AGMO: variants seen among roughly 807,000 people sequenced by gnomAD.
AGMO encodes glyceryl-ether monooxygenase.
A neutral mutation model predicts 60.2 loss-of-function variants in AGMO; 75 were observed. The ratio of observed to expected loss-of-function variants is 1.25; its 90% CI spans 1.03 to 1.51. The LOEUF is 1.51. Among genes scored for constraint, AGMO ranks in the 40% most tolerant of loss-of-function variants. The pLI is 0.00. For synonymous variants in AGMO, 261 were observed against 177.1 expected, an observed-to-expected ratio of 1.47 and a Z score of -3.76; for missense variants, 763 against 525.5, an observed-to-expected ratio of 1.45 and a Z score of -4.42.
At chr7:15,416,027 C>CTTT (rs759040945) in intron 5 of AGMO, among the ~76,000 whole-genome samples, 9 of 130,884 alleles carry the variant, frequency 6.9e-5, no homozygotes, top group African/African-American at 1.4e-4. Context: ...TTCTTTTTTT[C>CTTT]TTTTTTTTTT....
rs962406508 is a variant in AGMO, at chr7:15,288,859, A to C, written c.1263+76655T>G. ...TTTAAAAAAATAAAAAATAAAAAAAAAAAAAATATATATACACTCTTATCT... is the reference window on the plus strand; with the variant it reads ...TTTAAAAAAATAAAAAATAAAAAAACAAAAAATATATATACACTCTTATCT... On this transcript the variant is annotated intron_variant, in intron 12 of 12. Transcript: ENST00000342526. Among the ~76,000 whole-genome samples, 3 of 147,254 alleles carry C rather than the reference A, an allele frequency of 2.0e-5. No homozygotes were observed. In the South Asian group the frequency reaches 6.2e-4, roughly 31 times the overall value.
chr7:15,459,601 G>GTGTGTGTGTA (rs2128508212), intron 3 of AGMO, among the ~76,000 whole-genome samples: 1 of 150,198 alleles, frequency 6.7e-6, no homozygotes, highest in African/African-American at 2.4e-5. Context: ...ATGTGCGTTT[G>GTGTGTGTGTA]TGTGTGTGTG....
At chr7:15,465,011 G>A (rs1272135764) in intron 3 of AGMO, among the ~76,000 whole-genome samples, 2 of 152,136 alleles carry the variant, frequency 1.3e-5, no homozygotes, top group East Asian at 1.9e-4. Flanking sequence ...ATGTTCCCAC[G>A]TGTCATTTTC....
At chr7:15,533,813 C>T (rs548349599) in intron 3 of AGMO, among the ~76,000 whole-genome samples, 2 of 152,200 alleles carry the variant, frequency 1.3e-5, no homozygotes, top group African/African-American at 4.8e-5. Flanking sequence ...GTTTGTTTAA[C>T]TCACAGTATA....
At chr7:15,244,649 G>C (rs1782688338) in intron 12 of AGMO, among the ~76,000 whole-genome samples, 1 of 151,532 alleles carries the variant, frequency 6.6e-6, no homozygotes, top group Non-Finnish European at 1.5e-5. Flanking sequence ...TTGTTTGTTT[G>C]TTTGTTTTGT....
the AGMO span, among the ~76,000 whole-genome samples, chr7:15,163,581 T>A: frequency 6.6e-6 from 1 of 152,152 alleles, no homozygotes. Flanking sequence ...AAATGACCTA[T>A]GGTTTTTTAT....
chr7:15,166,125 A>G, the AGMO span, among the ~76,000 whole-genome samples: 1 of 152,190 alleles, frequency 6.6e-6, no homozygotes, highest in African/African-American at 2.4e-5. Flanking sequence ...CATAATAAAT[A>G]AGCCTATTAT....
intron 5 of AGMO, among the ~76,000 whole-genome samples, chr7:15,397,980 G>C (rs1220143385): frequency 1.3e-5 from 2 of 152,204 alleles, no homozygotes; most frequent in Non-Finnish European, 2.9e-5. Flanking sequence ...GAACAAGAAA[G>C]TGGGGGATCC....
At chr7:15,383,372 G>A (rs901807898) in intron 10 of AGMO, among the ~76,000 whole-genome samples, 7 of 151,156 alleles carry the variant, frequency 4.6e-5, no homozygotes, top group Non-Finnish European at 7.4e-5. Flanking sequence ...TTTCAGTTAC[G>A]TTAGTTAATA....
At chr7:15,301,456 G>A (rs1189782805) in intron 12 of AGMO, among the ~76,000 whole-genome samples, 2 of 151,564 alleles carry the variant, frequency 1.3e-5, no homozygotes, top group African/African-American at 4.8e-5. Flanking sequence ...AAAAAAGAAA[G>A]CAAATGCTGA....
intron 10 of AGMO, among the ~76,000 whole-genome samples, chr7:15,367,994 T>C (rs1435905285): frequency 6.6e-6 from 1 of 152,062 alleles, no homozygotes; most frequent in African/African-American, 2.4e-5. Context: ...CATACCTTCT[T>C]AAAAACCAGC....
chr7:15,390,774 G>T (rs746134429), intron 7 of AGMO, 24 bp from the exon 8 acceptor site: 3 of 1,595,268 alleles, frequency 1.9e-6, no homozygotes, highest in South Asian at 2.2e-5. Context: ...ATAAAGATAT[G>T]AGATTTGGCT....
intron 5 of AGMO, among the ~76,000 whole-genome samples, chr7:15,406,176 G>A (rs560893136): frequency 4.6e-5 from 7 of 151,298 alleles, no homozygotes; most frequent in Middle Eastern, 3.4e-3. Flanking sequence ...AATTGTTAGC[G>A]ACAAGGGTGC....
chr7:15,458,273 C>T (rs576122600), intron 3 of AGMO, among the ~76,000 whole-genome samples: 5 of 152,184 alleles, frequency 3.3e-5, no homozygotes, highest in Non-Finnish European at 5.9e-5. Context: ...TAGCAAAAAT[C>T]GGCATTAATA....
chr7:15,231,476 T>C (rs1168797918), intron 12 of AGMO, among the ~76,000 whole-genome samples: 1 of 152,224 alleles, frequency 6.6e-6, no homozygotes, highest in Admixed American at 6.5e-5. Context: ...TTCCCTTTTG[T>C]ATTTAACACA....
intron 12 of AGMO, among the ~76,000 whole-genome samples, chr7:15,309,257 A>G (rs1226241436): frequency 6.6e-6 from 1 of 152,172 alleles, no homozygotes; most frequent in Non-Finnish European, 1.5e-5. Flanking sequence ...TTTTACAGAC[A>G]GGCAAGCTGA....
chr7:15,554,131 C>A (rs1785060290), intron 2 of AGMO, among the ~76,000 whole-genome samples: 1 of 152,016 alleles, frequency 6.6e-6, no homozygotes, highest in South Asian at 2.1e-4. Flanking sequence ...CAGAAAATAG[C>A]ACCTACATTT....
intron 3 of AGMO, among the ~76,000 whole-genome samples, chr7:15,495,244 C>T (rs1783190815): frequency 6.6e-6 from 1 of 152,140 alleles, no homozygotes; most frequent in African/African-American, 2.4e-5. Context: ...TTTGGTTGTT[C>T]CCAGAGAGTT....
intron 2 of AGMO, among the ~76,000 whole-genome samples, chr7:15,546,319 A>G (rs1349762135): frequency 6.6e-6 from 1 of 151,966 alleles, no homozygotes; most frequent in African/African-American, 2.4e-5. Flanking sequence ...ACATTAAAAA[A>G]CTCAATCTCC....
Sources: gnomAD v4.1 joint callset for allele counts (sites outside exome capture counted in the v4.1 genomes callset) on GRCh38, gnomAD v4.1.1 for gene constraint, MANE v1.5 for transcripts, NCBI Gene and HGNC (gene_info 2026-07-23, HGNC 2026-07-21) for gene names.